The following PER3 variants were observed in gnomAD, a reference collection of about 807,000 sequenced individuals.
PER3 encodes period circadian regulator 3.
PER3 carries 107 observed loss-of-function variants against 127.2 expected under a neutral mutation model. The observed-to-expected ratio is 0.84, with a 90% CI of 0.72 to 0.99. The LOEUF (loss-of-function observed/expected upper bound fraction) is 0.99, where lower values mean the gene tolerates loss of function less well. Ranked by LOEUF, PER3 falls within the 50% of genes least tolerant of loss-of-function variation. The pLI, the probability that PER3 is intolerant of heterozygous loss-of-function variation, is 0.00. For synonymous variants in PER3, 618 were observed against 585.8 expected (o/e 1.05, Z -0.79); for missense variants, 1,560 against 1,525.8 (o/e 1.02, Z -0.37).
Position 7,827,617 on chromosome 1 carries a change from T to G in PER3, c.2688T>G (p.Ser896Arg), listed in dbSNP as rs758118867. ...CACCCTCAATGTCGTCAGCAATGAG[T>G]CCAACTCTGGACCCACCCCCTTCAG... is the stretch of plus-strand genomic sequence containing the variant. ...AISPSMSSAM[S>R]PTLDPPPSVT... Residue 896 changes from serine to arginine, a missense_variant, in exon 18 of 22, where the codon AGT becomes AGG. Ser to Arg is a moderately radical substitution (Grantham distance 110, BLOSUM62 -1). Transcript: ENST00000377532. 9 of 1,613,870 alleles carry G rather than the reference T, an allele frequency of 5.6e-6. No homozygotes were observed. Among genetic ancestry groups the G allele is most frequent in the Non-Finnish European group, 7.6e-6 (9 of 1,180,000 alleles).
intron 13 of PER3, among the ~76,000 whole-genome samples, chr1:7,812,949 A>C (rs2097227285): frequency 6.6e-6 from 1 of 152,244 alleles, no homozygotes; most frequent in African/African-American, 2.4e-5. Context: ...TTAGAAATTG[A>C]CTAGAGATGT....
chr1:7,840,499 G>A (rs1165412280), intron 21 of PER3, among the ~76,000 whole-genome samples: 6 of 151,406 alleles, frequency 4.0e-5, no homozygotes, highest in Admixed American at 6.6e-5. Context: ...TTTAATTTTC[G>A]TAGAGATGGA....
chr1:7,785,118 G>T, intron 2 of PER3, 113 bp downstream of exon 2: 2 of 1,163,244 alleles, frequency 1.7e-6, no homozygotes, highest in Non-Finnish European at 2.4e-6. Flanking sequence ...AGGGGAAAGT[G>T]TAAAGGGGAG....
chr1:7,787,179 CTATTTA>C, intron 4 of PER3: 1 of 572,040 alleles, frequency 1.7e-6, no homozygotes, highest in Non-Finnish European at 2.3e-6. Context: ...TTGTTAATTT[CTATTTA>C]TATCATTCTT....
intron 10 of PER3, among the ~76,000 whole-genome samples, chr1:7,805,178 T>G (rs936270260): frequency 1.3e-5 from 2 of 152,220 alleles, no homozygotes; most frequent in Non-Finnish European, 2.9e-5. Flanking sequence ...CTGTGGTCCA[T>G]TTTTAATTGA....
chr1:7,827,311 ACCTGCCG>A lies in PER3; in HGVS notation c.2385_2391del (p.Ala796TrpfsTer59). On this transcript the variant is annotated frameshift_variant, in exon 18 of 22. Coordinates refer to ENST00000377532, the MANE Select transcript of PER3 (RefSeq NM_001377275.1). LOFTEE classifies it high-confidence loss of function. ...CGCACACCTCGAGCCCGACCTTCCC[ACCTGCCG>A]CCATGGTGCCCAGCCAGGCCCCTTA... 1 of 1,613,556 alleles carries A rather than the reference ACCTGCCG, an allele frequency of 6.2e-7. No individual in the cohort carries two copies. The highest frequency in any genetic ancestry group is 1.1e-5 in the South Asian group (1 of 91,022).
intron 16 of PER3, among the ~76,000 whole-genome samples, chr1:7,823,413 C>T (rs1410811467): frequency 6.6e-6 from 1 of 152,022 alleles, no homozygotes; most frequent in Non-Finnish European, 1.5e-5. Context: ...GAGGCCAAGG[C>T]GGGCGGATCA....
In PER3 at chr1:7,820,629, C is replaced by T. The variant is rs1236392739; in HGVS notation, c.1946C>T (p.Pro649Leu). The T allele has an allele frequency of 4.3e-6, 7 of 1,610,164 alleles. No individual in the cohort carries two copies. Among genetic ancestry groups the T allele is most frequent in the Admixed American group, 3.4e-5 (2 of 59,236 alleles). The change falls in exon 16 of 22, where the codon CCC becomes CTC. Residue 649 changes from proline (P) to leucine (L), a missense_variant. Physicochemically the swap from Pro to Leu is moderately conservative, Grantham distance 98 (BLOSUM62 -3). Transcript: ENST00000377532. Reference sequence around the variant, plus strand: ...AGCAGCACCATTGTCCATGTCCCACCCCCAGAGACAGGTACCACACTCGCC... The same window carrying T: ...AGCAGCACCATTGTCCATGTCCCACTCCCAGAGACAGGTACCACACTCGCC... ...GYSSTIVHVP[P>L]PETARDATLF... is the part of the protein sequence containing the mutation.
rs532053082 is a variant in PER3, at chr1:7,820,480, C to T, written c.1797C>T (p.Ile599=). The part of the protein sequence containing the change: ...DVQALQAGLQ[I]PAIPKSEMPT... ...TTACACCACCAGCTGGTTTGCAAAT[C>T]CCAGCCATACCTAAATCAGAAATGC... is the stretch of plus-strand genomic sequence containing the variant. Residue 599 remains isoleucine (I), a synonymous_variant, in exon 16 of 22, where the codon ATC becomes ATT. Coordinates refer to ENST00000377532, the MANE Select transcript of PER3 (RefSeq NM_001377275.1). 1.7e-5 allele frequency: 28 copies of T among 1,610,130 alleles called. No homozygotes were observed. In the South Asian group the frequency reaches 3.0e-4, roughly 17 times the overall value.
chr1:7,842,699 TC>T lies in PER3; in HGVS notation c.3578del (p.Ser1193Ter), dbSNP rs2097397215. The part of the protein sequence containing the change: ...QACVTCENED[S>X]ADGAATSCGQ... ...CTGTGTCACTTGTGAAAATGAAGAT[TC>T]AGCTGATGGTGCGGCCACATCCTGT... On this transcript the variant is annotated frameshift_variant, in exon 22 of 22. Coordinates refer to ENST00000377532, the MANE Select transcript of PER3 (RefSeq NM_001377275.1). LOFTEE classifies it low-confidence loss of function (END_TRUNC). 1 of 1,613,450 alleles carries T rather than the reference TC, an allele frequency of 6.2e-7. No homozygotes were observed. The highest frequency in any genetic ancestry group is 1.7e-5 in the Admixed American group (1 of 59,988).
Position 7,785,438 on chromosome 1 carries a change from C to T in PER3, c.129-3C>T. 2 of 1,608,690 alleles carry T rather than the reference C, an allele frequency of 1.2e-6. No individual in the cohort carries two copies. The highest frequency in any genetic ancestry group is 1.1e-5 in the South Asian group (1 of 90,602). On this transcript the variant is annotated splice_polypyrimidine_tract_variant and splice_region_variant and intron_variant, in intron 2 of 21. Coordinates refer to ENST00000377532, the MANE Select transcript of PER3 (RefSeq NM_001377275.1). ...GAAGTTGTAATTTTTTTTTATCTTCCAGTGAACAGCAAGATCGAAACAGAG... is the reference window on the plus strand; with the variant it reads ...GAAGTTGTAATTTTTTTTTATCTTCTAGTGAACAGCAAGATCGAAACAGAG...
chr1:7,827,417 G>A lies in PER3; in HGVS notation c.2488G>A (p.Glu830Lys). 1.9e-6 allele frequency: 3 copies of A among 1,614,178 alleles called. No individual in the cohort carries two copies. The highest frequency in any genetic ancestry group is 1.3e-5 in the African/African-American group (1 of 75,064). ...ATACGCAGCCCCCGGAACTGCACCG[G>A]AAGGCCTGCATGGGCTGCCCTTGTC... is the stretch of plus-strand genomic sequence containing the variant. ...REYAAPGTAP[E>K]GLHGLPLSEG... The change falls in exon 18 of 22, where the codon GAA (glutamate) becomes AAA (lysine). Residue 830 changes from glutamate (E) to lysine (K), a missense_variant. Around this residue, in one of 3 missense-constraint regions of PER3, gnomAD observed 1,332 missense variants for 1,223.6 expected, o/e 1.09. Transcript: ENST00000377532.
chr1:7,791,085 C>T (rs1487295136), intron 5 of PER3, among the ~76,000 whole-genome samples: 2 of 152,184 alleles, frequency 1.3e-5, no homozygotes, highest in Non-Finnish European at 2.9e-5. Context: ...AGGATGGTGG[C>T]CCTCTTCTCA....
intron 19 of PER3, 124 bp from the exon 20 acceptor site, chr1:7,835,638 G>A (rs1445450323): frequency 2.0e-5 from 13 of 645,966 alleles, no homozygotes; most frequent in African/African-American, 5.5e-5. Flanking sequence ...GAAGTTTCCC[G>A]GAAATGATGG....
chr1:7,832,116 A>G (rs1436281683), intron 19 of PER3, among the ~76,000 whole-genome samples: 1 of 152,110 alleles, frequency 6.6e-6, no homozygotes, highest in Non-Finnish European at 1.5e-5. Flanking sequence ...GGTAATTTGT[A>G]TCTTTCAAGA....
chr1:7,818,882 G>A (rs1306316491), intron 13 of PER3, among the ~76,000 whole-genome samples: 2 of 152,200 alleles, frequency 1.3e-5, no homozygotes, highest in East Asian at 1.9e-4. Context: ...ACAGCATCAC[G>A]TAAGATGCAC....
At chr1:7,801,952 T>TA (rs1486247294) in intron 8 of PER3, among the ~76,000 whole-genome samples, 3 of 152,150 alleles carry the variant, frequency 2.0e-5, no homozygotes, top group Non-Finnish European at 4.4e-5. Context: ...AATTTTTTAT[T>TA]AAAAAAATTT....
chr1:7,802,379 C>T (rs2150701495), intron 8 of PER3, among the ~76,000 whole-genome samples: 1 of 152,274 alleles, frequency 6.6e-6, no homozygotes, highest in East Asian at 1.9e-4. Context: ...TCACCTGCCT[C>T]AGCCTCCCAA....
chr1:7,814,008 T>G (rs997887320), intron 13 of PER3, among the ~76,000 whole-genome samples: 7 of 152,074 alleles, frequency 4.6e-5, no homozygotes, highest in Non-Finnish European at 1.0e-4. Context: ...AAAGAAACCC[T>G]CAAATGGAAA....
Sources: gnomAD v4.1 joint callset for allele counts (sites outside exome capture counted in the v4.1 genomes callset) on GRCh38, gnomAD v4.1.1 for gene constraint, gnomAD v4.1.1 regional missense constraint, MANE v1.5 for transcripts, NCBI Gene and HGNC (gene_info 2026-07-23, HGNC 2026-07-21) for gene names.